FXYD2: variants seen among roughly 807,000 people sequenced by gnomAD.
The protein encoded by FXYD2 is FXYD domain containing ion transport regulator 2, also known as sodium/potassium-transporting ATPase subunit gamma.
In FXYD2, 8 loss-of-function variants were observed where a neutral mutation model predicts 11.8. The ratio of observed to expected loss-of-function variants is 0.68; its 90% CI spans 0.40 to 1.22. FXYD2 has a LOEUF of 1.22. Among genes scored for constraint, FXYD2 ranks in the 50% most tolerant of loss-of-function variants. The pLI is 0.01. For missense variants in FXYD2, 92 were observed against 91.8 expected (o/e 1.00, Z -0.01); for synonymous variants, 42 against 33.3 (o/e 1.26, Z -0.90).
intron 1 of FXYD2, among the ~76,000 whole-genome samples, chr11:117,823,567 C>G (rs1057243661): frequency 1.3e-5 from 2 of 152,238 alleles, no homozygotes; most frequent in Admixed American, 1.3e-4. Flanking sequence ...GTGGCCTCCC[C>G]CGGATTTGGA....
upstream of FXYD2, chr11:117,824,757 G>C (rs12273102): frequency 1.9e-6 from 3 of 1,579,186 alleles, no homozygotes; most frequent in South Asian, 2.3e-5. The surrounding 1 kb of genome is among the most constrained non-coding windows in gnomAD (Gnocchi z 4.0). Context: ...CTGCCTCCAC[G>C]GGGTGGCCGG....
intron 3 of FXYD2, chr11:117,821,973 A>G: frequency 9.1e-7 from 1 of 1,096,122 alleles, no homozygotes; most frequent in Non-Finnish European, 1.1e-6. Context: ...TCTCCCCCAG[A>G]ACACTCCGAG....
chr11:117,824,608 C>G lies in FXYD2; in HGVS notation c.25+46G>C. ...CCCCACAAAGGCAGGCCAATCAGAG[C>G]CACCCAGCATTGCACACGCCCGGGC... On this transcript the variant is annotated intron_variant, in intron 1 of 5. Transcript: ENST00000292079. The surrounding 1 kb of genome is among the most constrained non-coding windows in gnomAD (Gnocchi z 4.0). The G allele has an allele frequency of 6.6e-7, 1 of 1,518,690 alleles. No individual in the cohort carries two copies. Among genetic ancestry groups the G allele is most frequent in the Non-Finnish European group, 9.1e-7 (1 of 1,093,370 alleles). The allele number at this position is 1,518,690 out of a possible 1,614,324, so 94.1% of individuals were successfully genotyped here.
chr11:117,821,969 C>G, intron 3 of FXYD2: 1 of 1,095,618 alleles, frequency 9.1e-7, no homozygotes, highest in Non-Finnish European at 1.1e-6. Context: ...TTTGTCTCCC[C>G]CAGAACACTC....
upstream of FXYD2, chr11:117,824,782 C>T (rs1488045306): frequency 3.6e-6 from 5 of 1,401,640 alleles, no homozygotes; most frequent in African/African-American, 7.1e-5. This position sits in a 1 kb window ranked among gnomAD's most constrained non-coding sequence, Gnocchi z 4.0. Context: ...GAGGTGCGGG[C>T]ATTAAACATT....
rs558117050 is a variant in FXYD2 at position 117,822,768 on chromosome 11, C to T, written c.26-51G>A. 1.9e-6 allele frequency: 3 copies of T among 1,592,634 alleles called. No homozygotes were observed. The highest frequency in any genetic ancestry group is 1.8e-5 in the Admixed American group (1 of 55,950). ...AGAGGAGTCACCGATGGTGAGCCAGCCACAGGAACAGCTGGAATTCCCTGT... is the reference window on the plus strand; with the variant it reads ...AGAGGAGTCACCGATGGTGAGCCAGTCACAGGAACAGCTGGAATTCCCTGT... On this transcript the variant is annotated intron_variant, in intron 1 of 5. Transcript: ENST00000292079. The surrounding 1 kb of genome is among the most constrained non-coding windows in gnomAD (Gnocchi z 4.7).
chr11:117,826,373 C>T (rs1301732938), upstream of FXYD2, among the ~76,000 whole-genome samples: 2 of 152,322 alleles, frequency 1.3e-5, no homozygotes, highest in African/African-American at 2.4e-5. Flanking sequence ...AGATGGACCA[C>T]GTGCCAGGCT....
chr11:117,821,353 G>T, intron 3 of FXYD2: 2 of 989,150 alleles, frequency 2.0e-6, no homozygotes, highest in South Asian at 4.6e-5. Flanking sequence ...GAGCCACCAC[G>T]CCCAGCCTTC....
rs1012451485 is a variant in FXYD2, at chr11:117,820,518, T to C, written c.*7-146A>G. On this transcript the variant is annotated intron_variant, in intron 5 of 5. Transcript: ENST00000292079. ...CACGCCAGGCCCTTGGCCATCATTT[T>C]AAACACACGATGGGTGACAGACCAC... 1.1e-5 allele frequency: 11 copies of C among 992,890 alleles called. No homozygotes were observed. The Admixed American group carries it at 2.4e-4, about 21-fold the overall frequency. 61.5% of individuals were successfully genotyped at this position (992,890 alleles called of 1,614,324 possible). A position where few individuals can be genotyped will look rare whatever the true frequency, so the allele number is the denominator to read the frequency against.
chr11:117,820,856 C>T lies in FXYD2; in HGVS notation c.176+3G>A, dbSNP rs200472357. ...CTCATCGGTCACCCCAGGCAGCGCT[C>T]ACCTGCGCTTCTTATTGCCCCCACA... On this transcript the variant is annotated splice_donor_region_variant and intron_variant, in intron 4 of 5. Transcript: ENST00000292079. 104 of 1,613,780 alleles carry T rather than the reference C, an allele frequency of 6.4e-5. No individual in the cohort carries two copies. The African/African-American group carries it at 1.3e-3, about 20-fold the overall frequency.
intron 3 of FXYD2, chr11:117,821,559 G>T (rs1565300482): frequency 1.0e-6 from 1 of 985,914 alleles, no homozygotes; most frequent in Non-Finnish European, 1.2e-6. Flanking sequence ...CTCCAAAGTG[G>T]AGCCCCTTGC....
At chr11:117,820,566 TA>T in intron 5 of FXYD2, 99 bp downstream of exon 5, 1 of 1,510,114 alleles carries the variant, frequency 6.6e-7, no homozygotes, top group Non-Finnish European at 9.2e-7. Context: ...TGGACGACCC[TA>T]AAATTCTTAT....
chr11:117,820,723 T>A (rs1307447091), intron 4 of FXYD2, 27 bp from the exon 5 acceptor site: 1 of 1,613,446 alleles, frequency 6.2e-7, no homozygotes, highest in Non-Finnish European at 8.5e-7. Context: ...AAGCAACAGG[T>A]GAGAGGGCAG....
chr11:117,823,057 G>A (rs990040989), intron 1 of FXYD2, among the ~76,000 whole-genome samples: 2 of 152,144 alleles, frequency 1.3e-5, no homozygotes, highest in Non-Finnish European at 2.9e-5. Context: ...GACTCCCAGC[G>A]GCCTCTCTCC....
upstream of FXYD2, among the ~76,000 whole-genome samples, chr11:117,827,266 T>C (rs1430376571): frequency 6.6e-6 from 1 of 152,208 alleles, no homozygotes; most frequent in Non-Finnish European, 1.5e-5. Context: ...TTCTTTTTTT[T>C]AAGACGGAGT....
Position 117,822,660 on chromosome 11 carries a change from C to A in FXYD2, c.64+19G>T, listed in dbSNP as rs201735486. Reference sequence around the variant, plus strand: ...GGGTCCTGAGGGCTCAGGAAGGGTGCGCAGGGGCCCAGGCTTACCATAGTA... The same window carrying A: ...GGGTCCTGAGGGCTCAGGAAGGGTGAGCAGGGGCCCAGGCTTACCATAGTA... On this transcript the variant is annotated intron_variant, in intron 2 of 5. Coordinates refer to ENST00000292079, the MANE Select transcript of FXYD2 (RefSeq NM_001680.5). The surrounding 1 kb of genome is among the most constrained non-coding windows in gnomAD (Gnocchi z 4.7). 13 of 1,607,488 alleles carry A rather than the reference C, an allele frequency of 8.1e-6. No individual in the cohort carries two copies. Among genetic ancestry groups the A allele is most frequent in the African/African-American group, 1.3e-5 (1 of 74,952 alleles).
At chr11:117,827,227 C>T (rs2056063979), upstream of FXYD2, among the ~76,000 whole-genome samples, 1 of 152,156 alleles carries the variant, frequency 6.6e-6, no homozygotes, top group Admixed American at 6.5e-5. Flanking sequence ...GTGTGCAAGG[C>T]ACCGTTTCAA....
upstream of FXYD2, among the ~76,000 whole-genome samples, chr11:117,826,778 G>GTCTGTCTATCTGTCTGTCTATCTA (rs1344802450): frequency 3.2e-5 from 4 of 125,876 alleles, no homozygotes; most frequent in East Asian, 4.7e-4. Flanking sequence ...CTGTCTGTCT[G>GTCTGTCTATCTGTCTGTCTATCTA]TCTATCTATC....
At chr11:117,820,969 C>T in intron 3 of FXYD2, 74 bp from the exon 4 acceptor site, 1 of 1,609,496 alleles carries the variant, frequency 6.2e-7, no homozygotes, top group East Asian at 2.2e-5. Context: ...CAAAATTCTT[C>T]CAGTCTCTCC....
Sources: gnomAD v4.1 joint callset for allele counts (sites outside exome capture counted in the v4.1 genomes callset) on GRCh38, gnomAD v4.1.1 for gene constraint, Gnocchi (gnomAD v3.1) non-coding constraint, MANE v1.5 for transcripts, NCBI Gene and HGNC (gene_info 2026-07-23, HGNC 2026-07-21) for gene names.